The following AKAP7 variants were observed in gnomAD, a reference collection of about 807,000 sequenced individuals.
The protein encoded by AKAP7 is A-kinase anchoring protein 7, also known as A kinase (PRKA) anchor protein 7.
Under a neutral mutation model 39.5 loss-of-function variants are expected in AKAP7, and 39 were observed. The ratio of observed to expected loss-of-function variants is 0.99; its 90% CI spans 0.76 to 1.29. The LOEUF (loss-of-function observed/expected upper bound fraction) is 1.29, where lower values mean the gene tolerates loss of function less well. Ranked by LOEUF, AKAP7 falls within the 50% of genes most tolerant of loss-of-function variation. The probability of loss-of-function intolerance (pLI) is 0.00; values close to 1 mark genes in which losing one functional copy is unlikely to be tolerated. For synonymous variants in AKAP7, 140 were observed against 139.1 expected (o/e 1.01, Z -0.05); for missense variants, 414 against 407.7 (o/e 1.02, Z -0.13).
intron 7 of AKAP7, among the ~76,000 whole-genome samples, chr6:131,223,356 T>G (rs917128533): frequency 2.6e-5 from 4 of 152,190 alleles, no homozygotes; most frequent in Non-Finnish European, 5.9e-5. Flanking sequence ...AATACTGACG[T>G]TTATTAAAGC....
In AKAP7 at chr6:131,283,390, C is replaced by T. The variant is rs1815346145; in HGVS notation, c.*1664C>T. On this transcript the variant is annotated 3_prime_UTR_variant, in exon 8 of 8. Transcript: ENST00000431975. ...TGATGGAGGGGAAATCACTGGAGAT[C>T]AAATATGTAAAATCATTTCAAATAT... The T allele has an allele frequency of 6.6e-6, 1 of 152,496 alleles. No individual in the cohort carries two copies. Among genetic ancestry groups the T allele is most frequent in the South Asian group, 2.1e-4 (1 of 4,824 alleles). The allele number at this position is 152,496 out of a possible 1,614,324, so 9.4% of individuals were successfully genotyped here. A position where few individuals can be genotyped will look rare whatever the true frequency, so the allele number is the denominator to read the frequency against.
At chr6:131,129,956 T>C in the AKAP7 span, among the ~76,000 whole-genome samples, 1 of 152,184 alleles carries the variant, frequency 6.6e-6, no homozygotes, top group Admixed American at 6.5e-5. Context: ...TTGGTAGAAA[T>C]TCACTAGGTC....
chr6:131,125,757 G>A, the AKAP7 span, among the ~76,000 whole-genome samples: 1 of 152,208 alleles, frequency 6.6e-6, no homozygotes, highest in Non-Finnish European at 1.5e-5. Flanking sequence ...AAGCAGCAGA[G>A]GGAGACAAGA....
At chr6:131,178,791 C>G (rs1049290026) in intron 5 of AKAP7, among the ~76,000 whole-genome samples, 1 of 152,136 alleles carries the variant, frequency 6.6e-6, no homozygotes, top group Non-Finnish European at 1.5e-5. Context: ...CAGTCATTTG[C>G]TTTTTTGCGC....
At chr6:131,141,440 TGG>T (rs746081511) in intron 1 of AKAP7, among the ~76,000 whole-genome samples, 2 of 152,220 alleles carry the variant, frequency 1.3e-5, no homozygotes, top group Non-Finnish European at 2.9e-5. Context: ...TGCAGAACTC[TGG>T]GCCAAATAAA....
At chr6:131,155,355 G>A (rs1462037923) in intron 2 of AKAP7, among the ~76,000 whole-genome samples, 2 of 152,086 alleles carry the variant, frequency 1.3e-5, no homozygotes, top group African/African-American at 4.8e-5. Context: ...ATATCAGTAG[G>A]CAAATAATGT....
At chr6:131,221,837 T>C (rs1809724741) in intron 7 of AKAP7, among the ~76,000 whole-genome samples, 1 of 152,206 alleles carries the variant, frequency 6.6e-6, no homozygotes, top group South Asian at 2.1e-4. Flanking sequence ...TGATTACTGC[T>C]CATTGACAGT....
intron 5 of AKAP7, among the ~76,000 whole-genome samples, chr6:131,192,891 T>C (rs1806558178): frequency 6.6e-6 from 1 of 152,214 alleles, no homozygotes; most frequent in South Asian, 2.1e-4. Flanking sequence ...TGTTCACTAT[T>C]GTCATATAGA....
At chr6:131,135,320 G>A (rs1800434195), upstream of AKAP7, among the ~76,000 whole-genome samples, 1 of 152,178 alleles carries the variant, frequency 6.6e-6, no homozygotes, top group Admixed American at 6.5e-5. Flanking sequence ...GCAGGCAGGC[G>A]AAGACCCAGC....
In AKAP7 at chr6:131,160,141, A is replaced by G. The variant is rs1260278699; in HGVS notation, c.234A>G (p.Lys78=). The change falls in exon 3 of 8, where the codon AAA becomes AAG. Residue 78 remains lysine, a synonymous_variant. Coordinates refer to ENST00000431975, the MANE Select transcript of AKAP7 (RefSeq NM_016377.4). ...VKSDQVKKRK[K]KRKDYQPNYF... is the part of the protein sequence containing the mutation. ...GTGATCAAGTAAAGAAGAGGAAAAAAAAGAGAAAAGATTATCAACCCAACT... is the reference window on the plus strand; with the variant it reads ...GTGATCAAGTAAAGAAGAGGAAAAAGAAGAGAAAAGATTATCAACCCAACT... The G allele has an allele frequency of 1.2e-6, 2 of 1,611,958 alleles. No individual in the cohort carries two copies. Among genetic ancestry groups the G allele is most frequent in the East Asian group, 4.5e-5 (2 of 44,830 alleles).
At chr6:131,264,512 T>A (rs2128328967) in intron 7 of AKAP7, among the ~76,000 whole-genome samples, 1 of 152,336 alleles carries the variant, frequency 6.6e-6, no homozygotes, top group African/African-American at 2.4e-5. Flanking sequence ...AAATATATTG[T>A]ATAAAGTGAG....
intron 6 of AKAP7, among the ~76,000 whole-genome samples, chr6:131,201,588 T>G (rs1322818127): frequency 6.6e-6 from 1 of 152,112 alleles, no homozygotes; most frequent in Non-Finnish European, 1.5e-5. Flanking sequence ...CAGAAGCTCT[T>G]TAGTTTAATT....
chr6:131,204,219 T>C (rs1472015279), intron 6 of AKAP7, among the ~76,000 whole-genome samples: 2 of 152,144 alleles, frequency 1.3e-5, no homozygotes, highest in Admixed American at 6.6e-5. Context: ...AAGTTCTTTA[T>C]GCATAAAGAT....
chr6:131,278,870 T>C (rs1444239757), intron 7 of AKAP7, among the ~76,000 whole-genome samples: 2 of 152,058 alleles, frequency 1.3e-5, no homozygotes, highest in Admixed American at 1.3e-4. Flanking sequence ...AAAGGTTTCA[T>C]GGAGTAGATG....
chr6:131,236,905 C>T (rs1396651385), intron 7 of AKAP7, among the ~76,000 whole-genome samples: 1 of 152,160 alleles, frequency 6.6e-6, no homozygotes, highest in Non-Finnish European at 1.5e-5. Flanking sequence ...ATTTCCTTCT[C>T]CTGCCTGATT....
At chr6:131,250,463 G>A in intron 7 of AKAP7, 1 of 1,582,808 alleles carries the variant, frequency 6.3e-7, no homozygotes, top group South Asian at 1.1e-5. Flanking sequence ...CTGCTCCGTG[G>A]AGTGAAAAAG....
intron 6 of AKAP7, 48 bp downstream of exon 6, chr6:131,199,621 C>A: frequency 7.2e-7 from 1 of 1,385,168 alleles, no homozygotes; most frequent in African/African-American, 1.4e-5. Context: ...GCCACACCAG[C>A]CATAAGCATG....
Position 131,199,447 on chromosome 6 carries a change from T to C in AKAP7, c.590-14T>C. 2.0e-6 allele frequency: 3 copies of C among 1,529,758 alleles called. No individual in the cohort carries two copies. Among genetic ancestry groups the C allele is most frequent in the Non-Finnish European group, 2.7e-6 (3 of 1,113,644 alleles). 94.8% of individuals were successfully genotyped at this position (1,529,758 alleles called of 1,614,324 possible). ...CTGTAGTAGCATTTCTTTGTTTCTC[T>C]TTATTTTCTTCAGAGACTGCAAATA... On this transcript the variant is annotated splice_polypyrimidine_tract_variant and intron_variant, in intron 5 of 7. Coordinates refer to ENST00000431975, the MANE Select transcript of AKAP7 (RefSeq NM_016377.4).
intron 6 of AKAP7, among the ~76,000 whole-genome samples, chr6:131,209,466 G>A (rs1202341569): frequency 6.6e-6 from 1 of 152,028 alleles, no homozygotes; most frequent in Admixed American, 6.5e-5. Context: ...TAGCCAGGAT[G>A]GTCTGGATCT....
Sources: allele counts gnomAD v4.1 joint callset (sites outside exome capture counted in the v4.1 genomes callset), GRCh38; gene constraint gnomAD v4.1.1; transcripts MANE v1.5; gene names NCBI Gene and HGNC (gene_info 2026-07-23, HGNC 2026-07-21).